Variants in MDH1B observed in about 807,000 individuals in gnomAD.
The protein encoded by MDH1B is malate dehydrogenase 1B, also known as putative malate dehydrogenase 1B.
MDH1B carries 60 observed loss-of-function variants against 61.4 expected under a neutral mutation model. That is an observed-to-expected ratio of 0.98 (90% CI 0.79 to 1.21). The LOEUF (loss-of-function observed/expected upper bound fraction) is 1.21, where lower values mean the gene tolerates loss of function less well. Ranked by LOEUF, MDH1B falls within the 50% of genes most tolerant of loss-of-function variation. MDH1B has a pLI of 0.00. For synonymous variants in MDH1B, 236 were observed against 218.7 expected (o/e 1.08, Z -0.70); for missense variants, 587 against 632.1 (o/e 0.93, Z 0.76).
chr2:206,738,225 T>TA lies in MDH1B; in HGVS notation c.*257dup, dbSNP rs1687599221. On this transcript the variant is annotated 3_prime_UTR_variant, in exon 12 of 12. Transcript: ENST00000374412. ...CTGACAACTCTATTTTAATGTAATA[T>TA]AAAAAATAGCATTTGACACCAAAAT... The TA allele has an allele frequency of 3.1e-6, 1 of 325,514 alleles. No homozygotes were observed. Among genetic ancestry groups the TA allele is most frequent in the Non-Finnish European group, 5.6e-6 (1 of 179,532 alleles). The allele number at this position is 325,514 out of a possible 1,614,324, so 20.2% of individuals were successfully genotyped here.
At chr2:206,762,320 A>C (rs1385807006) in intron 1 of MDH1B, among the ~76,000 whole-genome samples, 1 of 152,006 alleles carries the variant, frequency 6.6e-6, no homozygotes, top group Admixed American at 6.6e-5. Flanking sequence ...AAAATCTCCA[A>C]CCTCGTCCAT....
chr2:206,740,927 T>C (rs1687771881), intron 10 of MDH1B, 127 bp downstream of exon 10: 2 of 1,294,778 alleles, frequency 1.5e-6, no homozygotes, highest in Non-Finnish European at 2.1e-6. Context: ...TTGTGAAGCA[T>C]ATGAAAAGAA....
chr2:206,763,527 C>T (rs1684203147), intron 1 of MDH1B, among the ~76,000 whole-genome samples: 1 of 152,126 alleles, frequency 6.6e-6, no homozygotes, highest in Non-Finnish European at 1.5e-5. Context: ...ATAGCCGTAA[C>T]ATTCAGATAA....
At chr2:206,754,391 T>A (rs1286997406) in intron 5 of MDH1B, among the ~76,000 whole-genome samples, 1 of 152,220 alleles carries the variant, frequency 6.6e-6, no homozygotes, top group Non-Finnish European at 1.5e-5. Context: ...CATCTTCTCA[T>A]CTTCCTATGA....
At chr2:206,757,988 T>C (rs1688861160) in intron 2 of MDH1B, among the ~76,000 whole-genome samples, 1 of 152,188 alleles carries the variant, frequency 6.6e-6, no homozygotes. Flanking sequence ...ACCACGTCAT[T>C]GGAGGCATGG....
chr2:206,754,875 G>C, intron 5 of MDH1B, 134 bp downstream of exon 5: 1 of 1,017,110 alleles, frequency 9.8e-7, no homozygotes, highest in South Asian at 1.9e-5. Flanking sequence ...CACACAATAA[G>C]TTCTTTATGT....
chr2:206,762,067 G>A (rs1042081898), intron 1 of MDH1B, among the ~76,000 whole-genome samples: 1 of 152,094 alleles, frequency 6.6e-6, no homozygotes, highest in African/African-American at 2.4e-5. Context: ...GAACCAAGCG[G>A]AGGGCACCTT....
rs538439057 is a variant in MDH1B at position 206,743,998 on chromosome 2, C to T, written c.1408+1624G>A. 7.2e-5 allele frequency among the ~76,000 whole-genome samples: 11 copies of T among 152,294 alleles called. No individual in the cohort carries two copies. The South Asian group carries it at 2.3e-3, about 32-fold the overall frequency. ...GCCTTATTCCAGGATGTTTTTCAAACTAATCCCACAACTGACCAGGTTCTC... is the reference window on the plus strand; with the variant it reads ...GCCTTATTCCAGGATGTTTTTCAAATTAATCCCACAACTGACCAGGTTCTC... On this transcript the variant is annotated intron_variant, in intron 9 of 11. Coordinates refer to ENST00000374412, the MANE Select transcript of MDH1B (RefSeq NM_001039845.3).
At chr2:206,762,584 A>C (rs895665429) in intron 1 of MDH1B, among the ~76,000 whole-genome samples, 4 of 152,188 alleles carry the variant, frequency 2.6e-5, no homozygotes, top group Admixed American at 6.5e-5. Flanking sequence ...TAAGAGACAA[A>C]AAACTCATCT....
At chr2:206,756,299 A>G (rs1688754922) in intron 4 of MDH1B, among the ~76,000 whole-genome samples, 1 of 152,236 alleles carries the variant, frequency 6.6e-6, no homozygotes, top group African/African-American at 2.4e-5. Flanking sequence ...AATTTTAAAA[A>G]TGAGTATATA....
chr2:206,753,706 G>A (rs1002840617), intron 5 of MDH1B, among the ~76,000 whole-genome samples: 1 of 151,952 alleles, frequency 6.6e-6, no homozygotes, highest in South Asian at 2.1e-4. Flanking sequence ...AATTCTACTT[G>A]GACTCTGTCC....
At chr2:206,760,339 A>T (rs1689016731) in intron 2 of MDH1B, among the ~76,000 whole-genome samples, 1 of 152,190 alleles carries the variant, frequency 6.6e-6, no homozygotes, top group Non-Finnish European at 1.5e-5. Context: ...GGAGCACAAA[A>T]GCTCAGCTAC....
intron 6 of MDH1B, 116 bp from the exon 7 acceptor site, chr2:206,749,299 A>C: frequency 1.3e-6 from 1 of 786,554 alleles, no homozygotes; most frequent in Non-Finnish European, 2.0e-6. Flanking sequence ...CAAAATAGAA[A>C]TACAGCTTTA....
intron 1 of MDH1B, among the ~76,000 whole-genome samples, chr2:206,761,963 G>A (rs1206470812): frequency 6.6e-6 from 1 of 152,142 alleles, no homozygotes; most frequent in Non-Finnish European, 1.5e-5. Context: ...TGGGAAATGA[G>A]CCTGATAAAA....
At chr2:206,750,912 T>C in intron 6 of MDH1B, 22 bp downstream of exon 6, 1 of 1,554,054 alleles carries the variant, frequency 6.4e-7, no homozygotes, top group Non-Finnish European at 8.7e-7. Context: ...GTCAGTATGC[T>C]TCACTTCAAA....
chr2:206,749,258 G>A, intron 6 of MDH1B, 75 bp from the exon 7 acceptor site: 1 of 1,238,026 alleles, frequency 8.1e-7, no homozygotes, highest in Non-Finnish European at 1.1e-6. Flanking sequence ...CTGGCTCAGT[G>A]GAACTAAGTA....
intron 4 of MDH1B, 87 bp downstream of exon 4, chr2:206,756,811 T>C (rs1216117709): frequency 9.0e-6 from 13 of 1,438,858 alleles, no homozygotes; most frequent in Middle Eastern, 1.8e-4. Flanking sequence ...ATTCAGGTAT[T>C]CTTCCATCAT....
chr2:206,763,868 C>T (rs1365539762), intron 1 of MDH1B, among the ~76,000 whole-genome samples: 1 of 147,982 alleles, frequency 6.8e-6, no homozygotes, highest in Non-Finnish European at 1.5e-5. Flanking sequence ...AAATCTCTCC[C>T]TCTGGGAAAC....
intron 10 of MDH1B, 91 bp downstream of exon 10, chr2:206,740,963 C>A: frequency 6.4e-7 from 1 of 1,553,266 alleles, no homozygotes; most frequent in South Asian, 1.2e-5. Context: ...TTGCTTTGGT[C>A]GCTAGACCAT....
Sources: allele counts gnomAD v4.1 joint callset (sites outside exome capture counted in the v4.1 genomes callset), GRCh38; gene constraint gnomAD v4.1.1; transcripts MANE v1.5; gene names NCBI Gene and HGNC (gene_info 2026-07-23, HGNC 2026-07-21).